Variants in GALNT2 observed in about 807,000 individuals in gnomAD.
GALNT2 encodes the protein UDP-GalNAc:polypeptide N-acetylgalactosaminyltransferase 2.
GALNT2 carries 31 observed loss-of-function variants against 81.4 expected under a neutral mutation model. The observed-to-expected ratio is 0.38, with a 90% CI of 0.29 to 0.51. The LOEUF is 0.51. Ranked by LOEUF, GALNT2 falls within the 20% of genes least tolerant of loss-of-function variation. The pLI is 0.87. For missense variants in GALNT2, 629 were observed against 765.7 expected, an observed-to-expected ratio of 0.82 and a Z score of 2.11; for synonymous variants, 303 against 287.4, an observed-to-expected ratio of 1.05 and a Z score of -0.55.
chr1:230,234,365 C>T (rs980187708), intron 3 of GALNT2, among the ~76,000 whole-genome samples: 6 of 152,134 alleles, frequency 3.9e-5, no homozygotes, highest in African/African-American at 1.4e-4. Flanking sequence ...TCAAAGCACT[C>T]AGCATGCCAA....
intron 1 of GALNT2, chr1:230,091,668 A>C (rs974941368): frequency 1.7e-4 from 26 of 152,348 alleles, no homozygotes; most frequent in Admixed American, 1.4e-3. Context: ...CTTCCGGGCC[A>C]CCTCCATCAG....
chr1:230,173,344 A>G (rs911883162), intron 1 of GALNT2, among the ~76,000 whole-genome samples: 1 of 151,998 alleles, frequency 6.6e-6, no homozygotes, highest in Non-Finnish European at 1.5e-5. Context: ...GGCATCCTAG[A>G]CCTCTGGTTA....
rs1177553093 is a variant in GALNT2, at chr1:230,185,273, CGTGT to C, written c.220+6988_220+6991del. 4.7e-3 allele frequency among the ~76,000 whole-genome samples: 559 copies of C among 119,486 alleles called. 2 individuals carry two copies. Among genetic ancestry groups the C allele is most frequent in the East Asian group, 9.2e-3 (43 of 4,698 alleles). The allele number at this position is 119,486 out of a possible 152,430, so 78.4% of individuals were successfully genotyped here. ...TGTCTCTTTAAACTGTGCGTGCGTGCGTGTGTGTGTGTGTGTGTGTGTGTGTGTG... is the reference window on the plus strand; with the variant it reads ...TGTCTCTTTAAACTGTGCGTGCGTGCGTGTGTGTGTGTGTGTGTGTGTGTG... On this transcript the variant is annotated intron_variant, in intron 2 of 15. Transcript: ENST00000366672.
intron 3 of GALNT2, among the ~76,000 whole-genome samples, chr1:230,210,608 T>C (rs1047991478): frequency 1.3e-5 from 2 of 152,226 alleles, no homozygotes; most frequent in Admixed American, 1.3e-4. Context: ...CAAGAATATG[T>C]TGTTTTTACT....
At chr1:230,071,410 G>C (rs1659369238) in intron 1 of GALNT2, among the ~76,000 whole-genome samples, 1 of 152,318 alleles carries the variant, frequency 6.6e-6, no homozygotes, top group East Asian at 1.9e-4. Flanking sequence ...GGTGCAGCTT[G>C]CCTTGGCGGT....
chr1:230,184,280 C>T (rs1411927628), intron 2 of GALNT2, among the ~76,000 whole-genome samples: 1 of 151,210 alleles, frequency 6.6e-6, no homozygotes, highest in Non-Finnish European at 1.5e-5. Flanking sequence ...GCTCTGCCTT[C>T]TAGGTTCATG....
chr1:230,178,465 C>T lies in GALNT2; in HGVS notation c.220+154C>T, dbSNP rs535055556. 1.7e-3 allele frequency among the ~76,000 whole-genome samples: 258 copies of T among 152,176 alleles called. 1 individual carries two copies. Among genetic ancestry groups the T allele is most frequent in the Non-Finnish European group, 3.2e-3 (216 of 68,024 alleles). Reference sequence around the variant, plus strand: ...AAAGCACTGCTTTGCCAACTTCCATCGGACCCATTAGTGGGTGGTCAAGTT... The same window carrying T: ...AAAGCACTGCTTTGCCAACTTCCATTGGACCCATTAGTGGGTGGTCAAGTT... On this transcript the variant is annotated intron_variant, in intron 2 of 15. Coordinates refer to ENST00000366672, the MANE Select transcript of GALNT2 (RefSeq NM_004481.5).
upstream of GALNT2, among the ~76,000 whole-genome samples, chr1:230,064,796 G>A (rs1202851286): frequency 6.6e-6 from 1 of 152,194 alleles, no homozygotes; most frequent in African/African-American, 2.4e-5. Context: ...ACAGGCATGA[G>A]CCACTATGCC....
intron 1 of GALNT2, among the ~76,000 whole-genome samples, chr1:230,080,290 A>G (rs921826983): frequency 3.3e-5 from 5 of 151,960 alleles, no homozygotes; most frequent in Non-Finnish European, 7.4e-5. Context: ...ATTTTAGGTT[A>G]CTGTGGAGAA....
At chr1:230,122,426 C>T (rs75739032) in intron 1 of GALNT2, among the ~76,000 whole-genome samples, 91 of 152,298 alleles carry the variant, frequency 6.0e-4, no homozygotes, top group African/African-American at 1.7e-3. Context: ...TCTCCCTCGA[C>T]CTGGTCTCTC....
chr1:230,150,738 C>T (rs1008005224), intron 1 of GALNT2, among the ~76,000 whole-genome samples: 3 of 152,216 alleles, frequency 2.0e-5, no homozygotes, highest in African/African-American at 7.2e-5. Flanking sequence ...TCTCCTTGGC[C>T]TTCTAGGATG....
intron 1 of GALNT2, among the ~76,000 whole-genome samples, chr1:230,097,701 A>G (rs1373005388): frequency 6.6e-6 from 1 of 152,228 alleles, no homozygotes; most frequent in African/African-American, 2.4e-5. Context: ...TATCATGACT[A>G]GTAATGCTGT....
rs56786141 is a variant in GALNT2 at position 230,180,296 on chromosome 1, CTTTTTTTTTTTT to C, written c.220+2000_220+2011del. 4.0e-3 allele frequency among the ~76,000 whole-genome samples: 280 copies of C among 70,622 alleles called. 1 individual carries two copies. The highest frequency in any genetic ancestry group is 0.015 in the African/African-American group (252 of 16,362). 46.3% of individuals were successfully genotyped at this position (70,622 alleles called of 152,430 possible). On this transcript the variant is annotated intron_variant, in intron 2 of 15. Coordinates refer to ENST00000366672, the MANE Select transcript of GALNT2 (RefSeq NM_004481.5). ...AAAGTGTAAGAGCTGTGTCTAGGTT[CTTTTTTTTTTTT>C]TTTTTTTTTTTTTTGGCATGTGAGT...
intron 1 of GALNT2, among the ~76,000 whole-genome samples, chr1:230,128,486 T>C (rs1661264439): frequency 6.6e-6 from 1 of 151,858 alleles, no homozygotes; most frequent in Admixed American, 6.6e-5. Context: ...GCCACTTGGG[T>C]CTTGTGCACC....
intron 15 of GALNT2, among the ~76,000 whole-genome samples, chr1:230,278,580 A>G (rs1385235094): frequency 6.6e-6 from 1 of 151,996 alleles, no homozygotes; most frequent in African/African-American, 2.4e-5. Flanking sequence ...GAGGCATCGT[A>G]CCCTGTACTT....
chr1:230,269,126 C>G (rs1019119119), intron 14 of GALNT2, among the ~76,000 whole-genome samples: 7 of 151,302 alleles, frequency 4.6e-5, no homozygotes, highest in African/African-American at 1.7e-4. Flanking sequence ...CCTGGGATTG[C>G]TCAGAGAAAT....
intron 1 of GALNT2, among the ~76,000 whole-genome samples, chr1:230,146,612 C>A (rs1044265794): frequency 6.6e-6 from 1 of 152,108 alleles, no homozygotes; most frequent in Non-Finnish European, 1.5e-5. Flanking sequence ...GGAGCAAACT[C>A]GGCTCTCAGG....
At chr1:230,103,895 C>A (rs1316873201) in intron 1 of GALNT2, among the ~76,000 whole-genome samples, 2 of 152,134 alleles carry the variant, frequency 1.3e-5, no homozygotes, top group African/African-American at 4.8e-5. Context: ...AGAGCTGCTC[C>A]TACCTGACCT....
intron 11 of GALNT2, among the ~76,000 whole-genome samples, chr1:230,260,928 C>T (rs1175359310): frequency 6.6e-6 from 1 of 152,214 alleles, no homozygotes. Context: ...TGCCTCTACA[C>T]ACATATCCAC....
Sources: gnomAD v4.1 joint callset for allele counts (sites outside exome capture counted in the v4.1 genomes callset) on GRCh38, gnomAD v4.1.1 for gene constraint, MANE v1.5 for transcripts, NCBI Gene and HGNC (gene_info 2026-07-23, HGNC 2026-07-21) for gene names.